Variants in BCL7B observed in about 807,000 individuals in gnomAD.
BCL7B encodes the protein BAF chromatin remodeling complex subunit BCL7B, also known as B-cell CLL/lymphoma 7 protein family member B.
In BCL7B, 11 loss-of-function variants were observed where a neutral mutation model predicts 26.5. That is an observed-to-expected ratio of 0.42 (90% CI 0.26 to 0.69). The LOEUF is 0.69. BCL7B is among the 30% of genes least tolerant of loss of function. The probability of loss-of-function intolerance (pLI) is 0.28; values close to 1 mark genes in which losing one functional copy is unlikely to be tolerated. For synonymous variants in BCL7B, 111 were observed against 107.9 expected (o/e 1.03, Z -0.18); for missense variants, 215 against 264.4 (o/e 0.81, Z 1.30).
At chr7:73,547,994 C>T (rs1563428656) in intron 2 of BCL7B, among the ~76,000 whole-genome samples, 3 of 152,004 alleles carry the variant, frequency 2.0e-5, no homozygotes. Flanking sequence ...GCAGCATGCA[C>T]CTGTAGTTTC....
Position 73,557,596 on chromosome 7 carries a change from CG to C in BCL7B, c.-19del, listed in dbSNP as rs782716207. The C allele has an allele frequency of 1.7e-5, 22 of 1,263,014 alleles. No homozygotes were observed. In the Admixed American group the frequency reaches 5.6e-4, roughly 32 times the overall value. 78.2% of individuals were successfully genotyped at this position (1,263,014 alleles called of 1,614,324 possible). ...CCCGACATGGCGGCGGCGGGAGCGGCGGGGGCCGGGGCACTGCTCCCAAGAC... is the reference window on the plus strand; with the variant it reads ...CCCGACATGGCGGCGGCGGGAGCGGCGGGGCCGGGGCACTGCTCCCAAGAC... On this transcript the variant is annotated 5_prime_UTR_variant, in exon 1 of 6. Transcript: ENST00000223368.
intron 2 of BCL7B, among the ~76,000 whole-genome samples, chr7:73,547,174 A>AGCAGCTGCGTGGGTGCAGTGGCTC (rs1333045741): frequency 6.6e-5 from 10 of 152,124 alleles, no homozygotes; most frequent in Non-Finnish European, 1.3e-4. Flanking sequence ...CAAGCAAGCA[A>AGCAGCTGCGTGGGTGCAGTGGCTC]GCAGCTGCGT....
rs916592963 is a variant in BCL7B, at chr7:73,556,053, G to T, written c.92+1434C>A. Among the ~76,000 whole-genome samples, 9 of 152,254 alleles carry T rather than the reference G, an allele frequency of 5.9e-5. No homozygotes were observed. The East Asian group carries it at 1.4e-3, about 23-fold the overall frequency. ...CTTCAGCCTAGCCTGCTAGGGGCGGGGGGGTCAAAAATGGGGAGAAGAGAA... is the reference window on the plus strand; with the variant it reads ...CTTCAGCCTAGCCTGCTAGGGGCGGTGGGGTCAAAAATGGGGAGAAGAGAA... On this transcript the variant is annotated intron_variant, in intron 1 of 5. Coordinates refer to ENST00000223368, the MANE Select transcript of BCL7B (RefSeq NM_001707.4).
intron 2 of BCL7B, among the ~76,000 whole-genome samples, chr7:73,545,181 A>C (rs1431581607): frequency 6.6e-6 from 1 of 152,098 alleles, no homozygotes; most frequent in African/African-American, 2.4e-5. Context: ...TAGATGCATT[A>C]TATTAGTAAC....
chr7:73,546,414 C>T (rs982565643), intron 2 of BCL7B, among the ~76,000 whole-genome samples: 4 of 152,154 alleles, frequency 2.6e-5, no homozygotes, highest in African/African-American at 4.8e-5. Context: ...CCTGTAATCA[C>T]AGCACTTTTT....
chr7:73,553,904 G>A (rs999492726), intron 1 of BCL7B, among the ~76,000 whole-genome samples: 1 of 151,616 alleles, frequency 6.6e-6, no homozygotes, highest in East Asian at 1.9e-4. Context: ...CCACTGTTCT[G>A]AGCTTACCCA....
At chr7:73,554,486 G>C (rs1584003168) in intron 1 of BCL7B, among the ~76,000 whole-genome samples, 1 of 151,938 alleles carries the variant, frequency 6.6e-6, no homozygotes, top group African/African-American at 2.4e-5. Flanking sequence ...TGTAGTTGTT[G>C]ATGCTGTTCA....
At chr7:73,549,078 C>A (rs1271697123) in intron 2 of BCL7B, among the ~76,000 whole-genome samples, 2 of 152,188 alleles carry the variant, frequency 1.3e-5, no homozygotes, top group Non-Finnish European at 2.9e-5. Context: ...GACCCAGCCA[C>A]TTCCCTTCCA....
chr7:73,540,287 C>T, intron 3 of BCL7B: 2 of 471,234 alleles, frequency 4.2e-6, no homozygotes. Context: ...TTAAACTCTT[C>T]TTTATTATCC....
chr7:73,551,421 C>A (rs1792165064), intron 2 of BCL7B, among the ~76,000 whole-genome samples: 1 of 152,132 alleles, frequency 6.6e-6, no homozygotes, highest in Non-Finnish European at 1.5e-5. Context: ...TTGCCTCAGC[C>A]TCCTGAGTAG....
chr7:73,540,088 G>A lies in BCL7B; in HGVS notation c.266-36C>T, dbSNP rs782248879. The A allele has an allele frequency of 1.4e-5, 23 of 1,596,062 alleles. No individual in the cohort carries two copies. The Middle Eastern group carries it at 4.9e-4, about 34-fold the overall frequency. ...AACAGAACAAAGGCAGCAGCTGAGC[G>A]TGGTCATTTTCCTCAAGAGGAACTC... On this transcript the variant is annotated intron_variant, in intron 3 of 5. Transcript: ENST00000223368.
chr7:73,538,579 T>C (rs1791628803), intron 4 of BCL7B, among the ~76,000 whole-genome samples: 1 of 151,820 alleles, frequency 6.6e-6, no homozygotes, highest in Non-Finnish European at 1.5e-5. Flanking sequence ...CTCTGGAGGC[T>C]GAGGTGGGAG....
chr7:73,553,313 G>A (rs1463000138), intron 1 of BCL7B, among the ~76,000 whole-genome samples: 2 of 152,008 alleles, frequency 1.3e-5, no homozygotes, highest in Admixed American at 6.6e-5. Flanking sequence ...CTGCTGGGGG[G>A]TATGGCCTGG....
chr7:73,546,590 C>T (rs1272408963), intron 2 of BCL7B, among the ~76,000 whole-genome samples: 6 of 151,652 alleles, frequency 4.0e-5, no homozygotes, highest in Non-Finnish European at 8.8e-5. Flanking sequence ...ATCATTTGAA[C>T]CTGCAAAGTG....
chr7:73,548,596 G>A (rs551974408), intron 2 of BCL7B, among the ~76,000 whole-genome samples: 4 of 151,738 alleles, frequency 2.6e-5, no homozygotes, highest in South Asian at 2.1e-4. Context: ...CAGCCTGGGC[G>A]ACAGATTGAA....
chr7:73,539,650 C>T (rs535516664), intron 4 of BCL7B: 44 of 487,308 alleles, frequency 9.0e-5, no homozygotes, highest in Non-Finnish European at 1.2e-4. Flanking sequence ...TTATAGCAGG[C>T]GTCAAATACT....
At chr7:73,557,330 G>C (rs1177504481) in intron 1 of BCL7B, 157 bp downstream of exon 1, 14 of 1,176,260 alleles carry the variant, frequency 1.2e-5, no homozygotes, top group African/African-American at 1.6e-5. Flanking sequence ...CGCGCCCTCT[G>C]ACCTCACGCC....
rs373249119 is a variant in BCL7B at position 73,552,693 on chromosome 7, A to C, written c.93-451T>G. 2.4e-4 allele frequency among the ~76,000 whole-genome samples: 37 copies of C among 151,488 alleles called. 1 individual carries two copies. The East Asian group carries it at 6.0e-3, about 25-fold the overall frequency. ...CTACTCCGGAGGCTAAGGTGGGAGGATCCCTTGAGCCCAGGTGGCAGAGGT... is the reference window on the plus strand; with the variant it reads ...CTACTCCGGAGGCTAAGGTGGGAGGCTCCCTTGAGCCCAGGTGGCAGAGGT... On this transcript the variant is annotated intron_variant, in intron 1 of 5. Transcript: ENST00000223368.
chr7:73,546,836 G>C (rs1791972656), intron 2 of BCL7B, among the ~76,000 whole-genome samples: 1 of 152,194 alleles, frequency 6.6e-6, no homozygotes, highest in African/African-American at 2.4e-5. Flanking sequence ...CACCAGGAAA[G>C]ACAAGAAATG....
Sources: gnomAD v4.1 joint callset for allele counts (sites outside exome capture counted in the v4.1 genomes callset) on GRCh38, gnomAD v4.1.1 for gene constraint, MANE v1.5 for transcripts, NCBI Gene and HGNC (gene_info 2026-07-23, HGNC 2026-07-21) for gene names.